RNF38: variants seen among roughly 807,000 people sequenced by gnomAD.
RNF38 encodes E3 ubiquitin-protein ligase RNF38.
RNF38 carries 15 observed loss-of-function variants against 67.2 expected under a neutral mutation model. The ratio of observed to expected loss-of-function variants is 0.22; its 90% CI spans 0.15 to 0.34. RNF38 has a LOEUF of 0.34. RNF38 is among the 10% of genes least tolerant of loss of function. The pLI is 1.00. For synonymous variants in RNF38, 220 were observed against 218.8 expected, an observed-to-expected ratio of 1.01 and a Z score of -0.05; for missense variants, 524 against 639.9, an observed-to-expected ratio of 0.82 and a Z score of 1.95.
chr9:36,392,897 GA>G lies in RNF38; in HGVS notation c.13-2282del, dbSNP rs373579828. Among the ~76,000 whole-genome samples the G allele has an allele frequency of 7.3e-4, 111 of 152,230 alleles. 2 individuals are homozygous for G. In the South Asian group the frequency reaches 0.022, roughly 30 times the overall value. On this transcript the variant is annotated intron_variant, in intron 1 of 11. Coordinates refer to ENST00000259605, the MANE Select transcript of RNF38 (RefSeq NM_022781.5). ...TAATATTTAAAGGCCATAAAACAGG[GA>G]AAAATTAGGAGTAAGAGTTCTGAAT...
At chr9:36,393,477 TTGTGTGTGTGTGTGTGTG>T (rs58913703) in intron 1 of RNF38, among the ~76,000 whole-genome samples, 19 of 87,760 alleles carry the variant, frequency 2.2e-4, no homozygotes, top group African/African-American at 3.9e-4. Flanking sequence ...CACACACACA[TTGTGTGTGTGTGTGTGTG>T]TGTGTGTGTG....
chr9:36,479,518 G>A (rs1840199285), intron 1 of RNF38, among the ~76,000 whole-genome samples: 1 of 152,218 alleles, frequency 6.6e-6, no homozygotes, highest in Non-Finnish European at 1.5e-5. Flanking sequence ...ACCATGCCCA[G>A]AAGACCAGGG....
intron 1 of RNF38, among the ~76,000 whole-genome samples, chr9:36,441,272 A>C (rs991438160): frequency 6.6e-6 from 1 of 152,148 alleles, no homozygotes; most frequent in Non-Finnish European, 1.5e-5. Flanking sequence ...GTGAAAGATA[A>C]AATTTACATA....
chr9:36,409,447 G>A lies in RNF38; in HGVS notation n.312+15166C>T, dbSNP rs550474302. Among the ~76,000 whole-genome samples the A allele has an allele frequency of 1.2e-4, 18 of 152,280 alleles. No individual in the cohort carries two copies. In the East Asian group the frequency reaches 3.3e-3, roughly 28 times the overall value. ...AAGAGAAGTCGCTGAAAACAGACATGGGAATCACAGTCTTAAGAAGTTTGA... is the reference window on the plus strand; with the variant it reads ...AAGAGAAGTCGCTGAAAACAGACATAGGAATCACAGTCTTAAGAAGTTTGA... On this transcript the variant is annotated intron_variant and non_coding_transcript_variant, in intron 2 of 3. Coordinates refer to the RNF38 transcript ENST00000488058.
intron 1 of RNF38, among the ~76,000 whole-genome samples, chr9:36,478,889 G>A (rs1363412548): frequency 6.6e-6 from 1 of 150,910 alleles, no homozygotes; most frequent in Non-Finnish European, 1.5e-5. Context: ...TTCGGCTTTT[G>A]TGGGCAATCA....
intron 1 of RNF38, among the ~76,000 whole-genome samples, chr9:36,473,144 T>C (rs915609487): frequency 3.3e-5 from 5 of 149,658 alleles, no homozygotes; most frequent in African/African-American, 5.0e-5. Context: ...AAAAAATAAA[T>C]AAACACAATA....
chr9:36,367,340 C>T lies in RNF38; in HGVS notation c.570+2379G>A, dbSNP rs141306864. On this transcript the variant is annotated intron_variant, in intron 4 of 11. Transcript: ENST00000259605. The stretch of plus-strand genomic sequence containing the variant: ...ATGCTATCAATAAGCCTTCCTACCA[C>T]GTATTGAAAATTAAAGTCCTTCCTT... Among the ~76,000 whole-genome samples the T allele has an allele frequency of 4.2e-4, 64 of 152,252 alleles. 1 individual carries two copies. In the East Asian group the frequency reaches 8.7e-3, roughly 21 times the overall value.
intron 2 of RNF38, among the ~76,000 whole-genome samples, chr9:36,410,042 C>T (rs1199541900): frequency 6.6e-6 from 1 of 151,992 alleles, no homozygotes; most frequent in East Asian, 1.9e-4. Context: ...ATTTTAAAGA[C>T]CAACAAAATA....
At chr9:36,471,629 T>A (rs990788272) in intron 1 of RNF38, among the ~76,000 whole-genome samples, 8 of 152,330 alleles carry the variant, frequency 5.3e-5, no homozygotes, top group Non-Finnish European at 8.8e-5. Flanking sequence ...GTGACTCTTA[T>A]CTCAAAATAA....
intron 4 of RNF38, among the ~76,000 whole-genome samples, chr9:36,360,289 AGT>A (rs1834433228): frequency 6.6e-6 from 1 of 152,178 alleles, no homozygotes; most frequent in Non-Finnish European, 1.5e-5. Context: ...CAAAGCGGTT[AGT>A]GTTAGTACGA....
intron 1 of RNF38, among the ~76,000 whole-genome samples, chr9:36,442,422 A>G (rs1317297431): frequency 6.6e-6 from 1 of 152,204 alleles, no homozygotes; most frequent in Non-Finnish European, 1.5e-5. Context: ...ATATGACCAA[A>G]AAAGTCAGAT....
At chr9:36,342,737 T>C (rs974868619) in intron 10 of RNF38, among the ~76,000 whole-genome samples, 7 of 152,138 alleles carry the variant, frequency 4.6e-5, no homozygotes, top group Non-Finnish European at 1.0e-4. Flanking sequence ...CCCTACCTCA[T>C]ACCATATATA....
chr9:36,360,882 C>G (rs1834477643), intron 4 of RNF38, among the ~76,000 whole-genome samples: 1 of 152,092 alleles, frequency 6.6e-6, no homozygotes, highest in African/African-American at 2.4e-5. Flanking sequence ...GCCATCACGG[C>G]TCACCATAGC....
At chr9:36,443,085 C>T (rs1587144539) in intron 1 of RNF38, among the ~76,000 whole-genome samples, 1 of 152,350 alleles carries the variant, frequency 6.6e-6, no homozygotes, top group East Asian at 1.9e-4. Flanking sequence ...GTTTCAAACA[C>T]AGGCTTATGC....
Position 36,480,970 on chromosome 9 carries a change from T to C in RNF38, n.241+6338A>G, listed in dbSNP as rs144167854. Among the ~76,000 whole-genome samples the C allele has an allele frequency of 2.9e-3, 440 of 151,992 alleles. 5 individuals carry two copies. Among genetic ancestry groups the C allele is most frequent in the African/African-American group, 6.0e-3 (247 of 41,462 alleles). On this transcript the variant is annotated intron_variant and non_coding_transcript_variant, in intron 1 of 3. Transcript: ENST00000488058. ...CACTCTCTTATTTCTATACATATTT[T>C]ACCACAAAAGCAGAAAATGCAGTGA...
At chr9:36,368,303 CG>C (rs1835126314) in intron 4 of RNF38, among the ~76,000 whole-genome samples, 1 of 147,206 alleles carries the variant, frequency 6.8e-6, no homozygotes, top group African/African-American at 2.4e-5. Flanking sequence ...AGACTCAACA[CG>C]TAACACTACT....
At chr9:36,358,350 A>G (rs539411550) in intron 4 of RNF38, among the ~76,000 whole-genome samples, 1 of 152,384 alleles carries the variant, frequency 6.6e-6, no homozygotes, top group South Asian at 2.1e-4. Flanking sequence ...TAAAAAAATG[A>G]AATCTCATTT....
rs1833105497 is a variant in RNF38, at chr9:36,344,884, G to C, written c.1333C>G (p.Gln445Glu). Residue 445 changes from glutamine to glutamate, a missense_variant, in exon 10 of 12, where the codon CAA (glutamine) becomes GAA (glutamate). Gln to Glu is a conservative substitution (Grantham distance 29). Coordinates refer to ENST00000259605, the MANE Select transcript of RNF38 (RefSeq NM_022781.5). ...PRGLTKADIE[Q>E]LPSYRFNPNN... ...GGATTGAACCGATAAGAAGGAAGTTGTTCAATATCTGCTTTAGTCAGTCCA... is the reference window on the plus strand; with the variant it reads ...GGATTGAACCGATAAGAAGGAAGTTCTTCAATATCTGCTTTAGTCAGTCCA... The C allele has an allele frequency of 3.1e-6, 5 of 1,613,960 alleles. No homozygotes were observed. The highest frequency in any genetic ancestry group is 4.2e-6 in the Non-Finnish European group (5 of 1,179,944).
intron 2 of RNF38, among the ~76,000 whole-genome samples, chr9:36,411,208 G>C (rs1258528463): frequency 6.9e-6 from 1 of 145,072 alleles, no homozygotes; most frequent in African/African-American, 2.5e-5. Context: ...AAGTGTAAAT[G>C]AAAACCACCA....
Sources: gnomAD v4.1 joint callset for allele counts (sites outside exome capture counted in the v4.1 genomes callset) on GRCh38, gnomAD v4.1.1 for gene constraint, MANE v1.5 for transcripts, NCBI Gene and HGNC (gene_info 2026-07-23, HGNC 2026-07-21) for gene names.